Variants in MATCAP2 observed in about 807,000 individuals in gnomAD.
The protein encoded by MATCAP2 is microtubule associated tyrosine carboxypeptidase 2.
the MATCAP2 span, among the ~76,000 whole-genome samples, chr7:36,367,799 C>T: frequency 6.6e-6 from 1 of 152,216 alleles, no homozygotes; most frequent in Non-Finnish European, 1.5e-5. Flanking sequence ...CACGGTGGCT[C>T]ATGCCTGTAA....
At chr7:36,326,737 T>A in the MATCAP2 span, 1 of 1,599,910 alleles carries the variant, frequency 6.3e-7, no homozygotes, top group South Asian at 1.1e-5. Flanking sequence ...ATAGCTTAGC[T>A]ATGTTTGCCA....
chr7:36,335,843 G>A, the MATCAP2 span, among the ~76,000 whole-genome samples: 2 of 152,258 alleles, frequency 1.3e-5, no homozygotes, highest in Non-Finnish European at 2.9e-5. Flanking sequence ...GGCCAAGGCA[G>A]GCGGATGACC....
At chr7:36,366,729 G>A in the MATCAP2 span, 7 of 1,535,200 alleles carry the variant, frequency 4.6e-6, no homozygotes, top group African/African-American at 1.4e-5. Context: ...AAAGGATAAG[G>A]GGCCGATTTC....
chr7:36,386,855 C>T, the MATCAP2 span, among the ~76,000 whole-genome samples: 7 of 152,060 alleles, frequency 4.6e-5, no homozygotes, highest in Non-Finnish European at 8.8e-5. Flanking sequence ...TTGTTATGAC[C>T]ATTTTGAAGA....
chr7:36,386,154 C>T, the MATCAP2 span, among the ~76,000 whole-genome samples: 5 of 147,972 alleles, frequency 3.4e-5, no homozygotes, highest in African/African-American at 1.0e-4. Context: ...GACCCTGTCT[C>T]GGGAAAAAAA....
the MATCAP2 span, chr7:36,384,011 A>C: frequency 2.0e-6 from 1 of 507,624 alleles, no homozygotes; most frequent in Non-Finnish European, 3.2e-6. Context: ...ATTAAATATA[A>C]ATAGTATTTT....
chr7:36,351,941 TA>T, the MATCAP2 span, among the ~76,000 whole-genome samples: 50,239 of 114,850 alleles, frequency 0.44, 10,261 homozygotes, highest in African/African-American at 0.49. Context: ...GGGAGATTGT[TA>T]AAAAAAAAAA....
chr7:36,360,868 T>A, the MATCAP2 span, among the ~76,000 whole-genome samples: 3 of 152,174 alleles, frequency 2.0e-5, no homozygotes, highest in African/African-American at 7.2e-5. Flanking sequence ...TTGGAGGAAG[T>A]GTAACTCGTG....
the MATCAP2 span, among the ~76,000 whole-genome samples, chr7:36,374,602 A>G: frequency 6.6e-6 from 1 of 151,992 alleles, no homozygotes; most frequent in African/African-American, 2.4e-5. Flanking sequence ...GGTTTGTTAC[A>G]TAGGTATACA....
At chr7:36,347,075 A>AT in the MATCAP2 span, among the ~76,000 whole-genome samples, 5 of 152,026 alleles carry the variant, frequency 3.3e-5, no homozygotes, top group Non-Finnish European at 7.4e-5. Flanking sequence ...ATTGCTTATG[A>AT]TTTTTTTTAG....
chr7:36,374,867 C>T, the MATCAP2 span, among the ~76,000 whole-genome samples: 1 of 152,222 alleles, frequency 6.6e-6, no homozygotes, highest in Non-Finnish European at 1.5e-5. Context: ...AGGACATGAA[C>T]TCATCCGTTT....
chr7:36,365,623 T>C, the MATCAP2 span, among the ~76,000 whole-genome samples: 1 of 152,102 alleles, frequency 6.6e-6, no homozygotes, highest in Non-Finnish European at 1.5e-5. Flanking sequence ...CGCTTGAACC[T>C]GGGAGGTGGA....
At chr7:36,389,884 A>T in the MATCAP2 span, 2 of 1,446,758 alleles carry the variant, frequency 1.4e-6, no homozygotes, top group Non-Finnish European at 1.9e-6. Context: ...GGAAGCCGAG[A>T]GGAGAGGACA....
At chr7:36,387,336 G>A in the MATCAP2 span, among the ~76,000 whole-genome samples, 1 of 152,038 alleles carries the variant, frequency 6.6e-6, no homozygotes, top group African/African-American at 2.4e-5. Context: ...CATGTGGGAT[G>A]TTTTGTATTT....
chr7:36,336,091 TA>T, the MATCAP2 span: 3 of 1,205,040 alleles, frequency 2.5e-6, no homozygotes, highest in East Asian at 5.6e-5. Flanking sequence ...ATAAATAAAA[TA>T]AAATAAAATA....
chr7:36,324,931 T>C, the MATCAP2 span: 7 of 152,376 alleles, frequency 4.6e-5, no homozygotes, highest in Middle Eastern at 3.4e-3. Context: ...TTTTCCTTTA[T>C]ATTTAAATCA....
the MATCAP2 span, chr7:36,334,119 C>T: frequency 6.2e-7 from 1 of 1,613,902 alleles, no homozygotes; most frequent in Non-Finnish European, 8.5e-7. Context: ...CCAACTGTTC[C>T]ATGGCTGCTG....
chr7:36,367,622 A>G, the MATCAP2 span, among the ~76,000 whole-genome samples: 1 of 152,246 alleles, frequency 6.6e-6, no homozygotes, highest in Non-Finnish European at 1.5e-5. Flanking sequence ...AGGAGGCTCA[A>G]TGACCACTTG....
At chr7:36,348,315 A>C in the MATCAP2 span, among the ~76,000 whole-genome samples, 1 of 152,248 alleles carries the variant, frequency 6.6e-6, no homozygotes, top group Non-Finnish European at 1.5e-5. Flanking sequence ...AAGGTATTGT[A>C]GCCACAAACT....
Sources: allele counts gnomAD v4.1 joint callset (sites outside exome capture counted in the v4.1 genomes callset), GRCh38; gene constraint gnomAD v4.1.1; transcripts MANE v1.5; gene names NCBI Gene and HGNC (gene_info 2026-07-23, HGNC 2026-07-21).